Variants in RIPOR3 observed in about 807,000 individuals in gnomAD.
The protein encoded by RIPOR3 is RIPOR family member 3, also known as family with sequence similarity 65 member C.
Under a neutral mutation model 114.3 loss-of-function variants are expected in RIPOR3, and 95 were observed. The ratio of observed to expected loss-of-function variants is 0.83; its 90% CI spans 0.70 to 0.99. The LOEUF is 0.99. Ranked by LOEUF, RIPOR3 falls within the 50% of genes least tolerant of loss-of-function variation. The pLI is 0.00. For missense variants in RIPOR3, 1,252 were observed against 1,266.9 expected, an observed-to-expected ratio of 0.99 and a Z score of 0.18; for synonymous variants, 575 against 543.8, an observed-to-expected ratio of 1.06 and a Z score of -0.80.
chr20:50,606,314 A>G (rs2083712528), intron 11 of RIPOR3, among the ~76,000 whole-genome samples: 1 of 152,204 alleles, frequency 6.6e-6, no homozygotes, highest in Non-Finnish European at 1.5e-5. Flanking sequence ...GAGGCAGGAA[A>G]CCTCAGGTCA....
At chr20:50,680,240 T>C (rs2086814851) in intron 1 of RIPOR3, among the ~76,000 whole-genome samples, 1 of 152,172 alleles carries the variant, frequency 6.6e-6, no homozygotes, top group South Asian at 2.1e-4. Context: ...CTCTCTACAG[T>C]CAATTACGGC....
At position 50,594,537 on chromosome 20, in the gene RIPOR3, A is replaced by C; in HGVS notation, c.2212+16T>G. On this transcript the variant is annotated intron_variant, in intron 17 of 21. Transcript: ENST00000327979. ...CCTTTCTGTGGGAGGGGACGACAGG[A>C]CAGAAGGGAACCCACCTATTTCCAG... is the stretch of plus-strand genomic sequence containing the variant. The C allele has an allele frequency of 6.2e-7, 1 of 1,609,372 alleles. No homozygotes were observed. Among genetic ancestry groups the C allele is most frequent in the South Asian group, 1.1e-5 (1 of 90,806 alleles).
chr20:50,652,763 C>T (rs887687379), intron 1 of RIPOR3, among the ~76,000 whole-genome samples: 8 of 152,276 alleles, frequency 5.3e-5, no homozygotes, highest in Admixed American at 6.5e-5. Flanking sequence ...TACACGAGGG[C>T]GGTCGTCATC....
intron 3 of RIPOR3, among the ~76,000 whole-genome samples, chr20:50,616,790 C>G (rs149578119): frequency 5.3e-5 from 8 of 152,290 alleles, no homozygotes; most frequent in African/African-American, 1.7e-4. Context: ...CCATGTTATA[C>G]CCCCTCCCAA....
intron 1 of RIPOR3, among the ~76,000 whole-genome samples, chr20:50,666,193 T>TTTTC (rs1210769194): frequency 7.1e-5 from 2 of 28,112 alleles, no homozygotes; most frequent in East Asian, 2.5e-3. Flanking sequence ...ATTTCTTTTC[T>TTTTC]TTTCTTTTCT....
At chr20:50,603,857 T>A (rs2083592320) in intron 12 of RIPOR3, among the ~76,000 whole-genome samples, 1 of 152,216 alleles carries the variant, frequency 6.6e-6, no homozygotes, top group Non-Finnish European at 1.5e-5. Context: ...AGGGCAGTGC[T>A]GTTATTCTCA....
chr20:50,684,092 T>A (rs1277940585), intron 1 of RIPOR3, among the ~76,000 whole-genome samples: 2 of 150,958 alleles, frequency 1.3e-5, no homozygotes, highest in East Asian at 2.0e-4. Context: ...AAAAAAAAAA[T>A]AAATCCCTAC....
intron 1 of RIPOR3, among the ~76,000 whole-genome samples, chr20:50,661,111 G>C (rs2123456951): frequency 1.3e-5 from 2 of 151,732 alleles, no homozygotes; most frequent in South Asian, 4.2e-4. Flanking sequence ...GGTGGCACAT[G>C]CCTGTAATCC....
At chr20:50,625,518 G>C (rs2123206944) in intron 2 of RIPOR3, among the ~76,000 whole-genome samples, 1 of 152,316 alleles carries the variant, frequency 6.6e-6, no homozygotes, top group East Asian at 1.9e-4. Flanking sequence ...TCACAGGCAG[G>C]GCTGGATATG....
chr20:50,617,794 T>C (rs1413486164), intron 3 of RIPOR3, among the ~76,000 whole-genome samples: 2 of 151,898 alleles, frequency 1.3e-5, no homozygotes, highest in African/African-American at 4.8e-5. Context: ...CCGGCTAATT[T>C]TGTATTTTTA....
At chr20:50,592,298 CCA>C in intron 19 of RIPOR3, 44 bp downstream of exon 19, 1 of 1,494,738 alleles carries the variant, frequency 6.7e-7, no homozygotes, top group Admixed American at 2.2e-5. Context: ...TTACCTATGC[CCA>C]CACATCTGTG....
intron 1 of RIPOR3, among the ~76,000 whole-genome samples, chr20:50,648,283 A>T (rs1044812828): frequency 6.6e-6 from 1 of 152,026 alleles, no homozygotes; most frequent in African/African-American, 2.4e-5. Flanking sequence ...TCTCTAAAAA[A>T]AAGAAAGAAA....
chr20:50,617,686 C>T (rs991064629), intron 3 of RIPOR3, among the ~76,000 whole-genome samples: 2 of 131,580 alleles, frequency 1.5e-5, no homozygotes, highest in South Asian at 2.6e-4. Context: ...AGTGCAATAA[C>T]GCGATCTTGG....
intron 2 of RIPOR3, among the ~76,000 whole-genome samples, chr20:50,622,681 G>A (rs1400249987): frequency 2.7e-5 from 4 of 150,296 alleles, no homozygotes; most frequent in Non-Finnish European, 2.9e-5. Flanking sequence ...CCACCCCTTG[G>A]CTCTGGACTG....
In RIPOR3 at chr20:50,686,423, C is replaced by T. The variant is rs138734796; in HGVS notation, c.3+4703G>A. Among the ~76,000 whole-genome samples, 42 of 152,098 alleles carry T rather than the reference C, an allele frequency of 2.8e-4. 1 individual carries two copies. The East Asian group carries it at 6.8e-3, about 25-fold the overall frequency. ...GGAGCTACTGAGGTTTAAACTCAGG[C>T]GCGCCCTTCCTACCTCGCAAAACAA... On this transcript the variant is annotated intron_variant, in intron 1 of 21. Coordinates refer to ENST00000327979, the MANE Select transcript of RIPOR3 (RefSeq NM_001290268.2).
In RIPOR3 at chr20:50,597,690, C is replaced by T; in HGVS notation, c.1680G>A (p.Glu560=). The change falls in exon 14 of 22, where the codon GAG becomes GAA. Residue 560 remains glutamate, a synonymous_variant. Transcript: ENST00000327979. ...CCATCAGGCTCTCGGCCGAGGTGTG[C>T]TCCTGCCGTGCTCTGCAGGGCTGTG... ...DRLKPCRARQ[E]HTSAESLMEC... 6.2e-7 allele frequency: 1 copy of T among 1,611,810 alleles called. No homozygotes were observed. The highest frequency in any genetic ancestry group is 8.5e-7 in the Non-Finnish European group (1 of 1,179,120).
At chr20:50,617,791 A>AC (rs1415971281) in intron 3 of RIPOR3, among the ~76,000 whole-genome samples, 2 of 151,438 alleles carry the variant, frequency 1.3e-5, no homozygotes, top group Non-Finnish European at 2.9e-5. Context: ...ACGCCGGCTA[A>AC]TTTTGTATTT....
rs758979593 is a variant in RIPOR3, at chr20:50,592,419, G to A, written c.2502C>T (p.Asp834=). 1.1e-5 allele frequency: 17 copies of A among 1,612,026 alleles called. No homozygotes were observed. Among genetic ancestry groups the A allele is most frequent in the South Asian group, 3.3e-5 (3 of 90,930 alleles). ...TLRAWALLQL[D]GTPRVCRAAS... ...CCGCCCTGCACACCCTCGGAGTGCC[G>A]TCCAGCTGGAGCAGCGCCCAGGCTC... Residue 834 remains aspartate (D), a synonymous_variant, in exon 19 of 22, where the codon GAC becomes GAT. Transcript: ENST00000327979.
chr20:50,602,117 G>A lies in RIPOR3; in HGVS notation c.1614C>T (p.Leu538=). 1.9e-6 allele frequency: 3 copies of A among 1,604,910 alleles called. No individual in the cohort carries two copies. In the South Asian group the frequency reaches 3.3e-5, roughly 18 times the overall value. Reference sequence around the variant, plus strand: ...CGAGGACCTGGTACTCCAGCTCCCGGAGCTGGGGCTGGGTGGAGTCCGTGG... The same window carrying A: ...CGAGGACCTGGTACTCCAGCTCCCGAAGCTGGGGCTGGGTGGAGTCCGTGG... ...LRPTDSTQPQ[L]RELEYQVLGF... The change falls in exon 13 of 22, where the codon CTC becomes CTT. Residue 538 remains leucine (L), a synonymous_variant. Coordinates refer to ENST00000327979, the MANE Select transcript of RIPOR3 (RefSeq NM_001290268.2). The surrounding 1 kb of genome is among the most constrained non-coding windows in gnomAD (Gnocchi z 4.3).
Sources: gnomAD v4.1 joint callset for allele counts (sites outside exome capture counted in the v4.1 genomes callset) on GRCh38, gnomAD v4.1.1 for gene constraint, Gnocchi (gnomAD v3.1) non-coding constraint, MANE v1.5 for transcripts, NCBI Gene and HGNC (gene_info 2026-07-23, HGNC 2026-07-21) for gene names.